KRT86: variants seen among roughly 807,000 people sequenced by gnomAD.
KRT86 encodes keratin, type II cuticular Hb6.
A neutral mutation model predicts 41.2 loss-of-function variants in KRT86; 30 were observed. The observed-to-expected ratio is 0.73, with a 90% confidence interval of 0.54 to 0.99. The LOEUF (loss-of-function observed/expected upper bound fraction) is 0.99, where lower values mean the gene tolerates loss of function less well. KRT86 is among the 50% of genes least tolerant of loss of function. The pLI, the probability that KRT86 is intolerant of heterozygous loss-of-function variation, is 0.00. For missense variants in KRT86, 561 were observed against 571.4 expected (o/e 0.98, Z 0.19); for synonymous variants, 238 against 238.1 (o/e 1.00, Z 0.00).
At chr12:52,305,923 C>G (rs1938503769) in intron 8 of KRT86, 135 bp downstream of exon 8, 4 of 1,577,894 alleles carry the variant, frequency 2.5e-6, no homozygotes, top group Non-Finnish European at 8.6e-7. Flanking sequence ...GTTGTGGTCT[C>G]TGTGAGTCCC....
intron 2 of KRT86, chr12:52,288,114 G>T (rs1565741316): frequency 6.2e-7 from 1 of 1,614,144 alleles, no homozygotes; most frequent in Non-Finnish European, 8.5e-7. Flanking sequence ...AACCACGGAG[G>T]TGTCTGAGAT....
chr12:52,283,241 A>G (rs1424426384), intron 2 of KRT86, among the ~76,000 whole-genome samples: 1 of 23,960 alleles, frequency 4.2e-5, no homozygotes, highest in Non-Finnish European at 7.3e-5. Context: ...TAAAAATACA[A>G]AAATTAGCCC....
chr12:52,302,902 A>G (rs1938419220), intron 3 of KRT86, among the ~76,000 whole-genome samples, 198 bp from the exon 4 acceptor site: 2 of 132,610 alleles, frequency 1.5e-5, no homozygotes, highest in African/African-American at 5.7e-5. Flanking sequence ...CCCTTGCTCC[A>G]CTCCTGAGTG....
intron 2 of KRT86, chr12:52,286,089 G>C: frequency 1.5e-6 from 1 of 680,944 alleles, no homozygotes; most frequent in Non-Finnish European, 2.6e-6. Flanking sequence ...GGGTGGCAGA[G>C]CCCAGAAGTG....
intron 3 of KRT86, among the ~76,000 whole-genome samples, chr12:52,302,782 A>C (rs1938412060): frequency 7.0e-6 from 1 of 142,810 alleles, no homozygotes; most frequent in East Asian, 2.2e-4. Context: ...GTTGCTGATC[A>C]CCTAGTTTCA....
chr12:52,305,430 C>T (rs765352146), intron 7 of KRT86, 26 bp downstream of exon 7: 7 of 1,614,024 alleles, frequency 4.3e-6, no homozygotes, highest in African/African-American at 2.7e-5. Context: ...CACCTGCCTG[C>T]TAGACATGGC....
intron 9 of KRT86, chr12:52,306,607 G>A (rs1565750800): frequency 2.1e-6 from 1 of 481,716 alleles, no homozygotes; most frequent in South Asian, 2.3e-5. Flanking sequence ...GTAGCTGCAT[G>A]TGCTTCTCAG....
At position 52,291,350 on chromosome 12, in the gene KRT86, C is replaced by G; in HGVS notation, c.-4-10563C>G. Reference sequence around the variant, plus strand: ...GCTGCCGAAGCCCCCGGTGAGGCCGCGGTAGCAGGAGATGCCACGGTAGGG... The same window carrying G: ...GCTGCCGAAGCCCCCGGTGAGGCCGGGGTAGCAGGAGATGCCACGGTAGGG... On this transcript the variant is annotated intron_variant, in intron 2 of 10. Coordinates refer to ENST00000423955, the MANE Select transcript of KRT86 (RefSeq NM_001320198.2). The G allele has an allele frequency of 1.9e-6, 3 of 1,585,780 alleles. No homozygotes were observed. The East Asian group carries it at 6.9e-5, about 36-fold the overall frequency.
intron 2 of KRT86, chr12:52,286,601 T>A (rs1167309315): frequency 7.7e-7 from 1 of 1,304,670 alleles, no homozygotes; most frequent in Non-Finnish European, 1.1e-6. Context: ...GTCAGAAGCA[T>A]CTTTGTGGAC....
intron 2 of KRT86, among the ~76,000 whole-genome samples, chr12:52,280,297 C>G (rs574389858): frequency 6.6e-6 from 1 of 152,030 alleles, no homozygotes; most frequent in Middle Eastern, 3.2e-3. Context: ...TTTTGGTGGT[C>G]GGAAGATAGA....
chr12:52,287,420 C>A, intron 2 of KRT86: 2 of 1,572,910 alleles, frequency 1.3e-6, no homozygotes, highest in Non-Finnish European at 1.7e-6. Context: ...GGGAGCACCC[C>A]AGAACAGAGC....
Position 52,287,885 on chromosome 12 carries a change from C to A in KRT86, c.-5+11939C>A, listed in dbSNP as rs1938005195. Reference sequence around the variant, plus strand: ...AGATTGGCAGCCCTCTCTTCTCATCCCTAGGGACCAGCATCCCCAGAAAAG... The same window carrying A: ...AGATTGGCAGCCCTCTCTTCTCATCACTAGGGACCAGCATCCCCAGAAAAG... On this transcript the variant is annotated intron_variant, in intron 2 of 10. Transcript: ENST00000423955. 17 of 1,607,326 alleles carry A rather than the reference C, an allele frequency of 1.1e-5. No individual in the cohort carries two copies. In the Admixed American group the frequency reaches 2.9e-4, roughly 27 times the overall value.
At chr12:52,278,728 T>A (rs964591298) in intron 2 of KRT86, among the ~76,000 whole-genome samples, 3 of 152,172 alleles carry the variant, frequency 2.0e-5, no homozygotes, top group Non-Finnish European at 4.4e-5. Context: ...TATCTTATTA[T>A]CTTATTCTCC....
At chr12:52,283,392 CA>C (rs1169224117) in intron 2 of KRT86, among the ~76,000 whole-genome samples, 10,576 of 40,242 alleles carry the variant, frequency 0.26, 65 homozygotes, top group South Asian at 0.36. Flanking sequence ...AACTGTCTCA[CA>C]AAAAAAAAAA....
intron 2 of KRT86, chr12:52,279,170 G>A (rs1217729242): frequency 6.6e-6 from 1 of 152,258 alleles, no homozygotes; most frequent in Non-Finnish European, 1.5e-5. Context: ...TACGCGCTCT[G>A]CGGCTCTCCC....
chr12:52,305,651 T>C lies in KRT86; in HGVS notation c.901-12T>C, dbSNP rs548841723. 4.3e-5 allele frequency: 69 copies of C among 1,614,062 alleles called. No homozygotes were observed. The Admixed American group carries it at 1.0e-3, about 24-fold the overall frequency. On this transcript the variant is annotated splice_polypyrimidine_tract_variant and intron_variant, in intron 7 of 10. Transcript: ENST00000423955. ...CCACCCTGAACCTCATGAGCATCTCTACTTCCCCCAGTGTGAGGAGATGAA... is the reference window on the plus strand; with the variant it reads ...CCACCCTGAACCTCATGAGCATCTCCACTTCCCCCAGTGTGAGGAGATGAA...
intron 2 of KRT86, chr12:52,291,123 T>G: frequency 5.7e-6 from 5 of 879,552 alleles, no homozygotes; most frequent in Non-Finnish European, 8.1e-6. Context: ...GCGAACCTGC[T>G]GTTGAGGGAC....
At chr12:52,303,983 CAGG>C in intron 4 of KRT86, 125 bp from the exon 5 acceptor site, 1 of 236,798 alleles carries the variant, frequency 4.2e-6, no homozygotes, top group South Asian at 2.8e-5. Flanking sequence ...GCTAGGCTGC[CAGG>C]CCGGGGCTGT....
At chr12:52,287,890 G>A in intron 2 of KRT86, 1 of 1,608,514 alleles carries the variant, frequency 6.2e-7, no homozygotes, top group South Asian at 1.1e-5. Flanking sequence ...TCATCCCTAG[G>A]GACCAGCATC....
Sources: allele counts gnomAD v4.1 joint callset (sites outside exome capture counted in the v4.1 genomes callset), GRCh38; gene constraint gnomAD v4.1.1; transcripts MANE v1.5; gene names NCBI Gene and HGNC (gene_info 2026-07-23, HGNC 2026-07-21).